The following CNNM2 variants were observed in gnomAD, a reference collection of about 807,000 sequenced individuals.
The protein encoded by CNNM2 is metal transporter CNNM2.
CNNM2 carries 12 observed loss-of-function variants against 66.9 expected under a neutral mutation model. The ratio of observed to expected loss-of-function variants is 0.18; its 90% CI spans 0.11 to 0.29. The LOEUF (loss-of-function observed/expected upper bound fraction) is 0.29. CNNM2 is among the 10% of genes least tolerant of loss of function. The probability of loss-of-function intolerance (pLI) is 1.00; values close to 1 mark genes in which losing one functional copy is unlikely to be tolerated. For synonymous variants in CNNM2, 557 were observed against 501.8 expected (o/e 1.11, Z -1.47); for missense variants, 705 against 1,167.7 (o/e 0.60, Z 5.77).
At chr10:102,945,395 C>T (rs1390959487) in intron 1 of CNNM2, among the ~76,000 whole-genome samples, 1 of 152,030 alleles carries the variant, frequency 6.6e-6, no homozygotes, top group African/African-American at 2.4e-5. Context: ...TGACCCCTAA[C>T]CAATAAGACA....
intron 1 of CNNM2, among the ~76,000 whole-genome samples, chr10:103,045,763 T>C (rs1269183580): frequency 1.3e-5 from 2 of 152,194 alleles, no homozygotes; most frequent in African/African-American, 4.8e-5. Context: ...AGAGATGCTG[T>C]TACTATTTTA....
At chr10:102,935,176 A>AT (rs1846193405) in intron 1 of CNNM2, among the ~76,000 whole-genome samples, 1 of 139,572 alleles carries the variant, frequency 7.2e-6, no homozygotes. Context: ...AAAAAAAAAA[A>AT]AAAAAAGACT....
At chr10:103,022,926 G>A (rs1296851459) in intron 1 of CNNM2, among the ~76,000 whole-genome samples, 1 of 151,762 alleles carries the variant, frequency 6.6e-6, no homozygotes, top group Non-Finnish European at 1.5e-5. Context: ...TTTTGAGACA[G>A]GGTCTTACTG....
In CNNM2 at chr10:102,992,273, C is replaced by CTTTTTTT. The variant is rs35281835; in HGVS notation, c.1622-57422_1622-57416dup. ...TTTACTGGGAGCAAGCTCCAAGTTC[C>CTTTTTTT]TTTTTTTTTTTTTTTTTTGAGATGC... On this transcript the variant is annotated intron_variant, in intron 1 of 7. Transcript: ENST00000369878. Among the ~76,000 whole-genome samples, 126 of 108,478 alleles carry CTTTTTTT rather than the reference C, an allele frequency of 1.2e-3. 6 individuals carry two copies. The highest frequency in any genetic ancestry group is 3.7e-3 in the African/African-American group (107 of 29,126). The allele number at this position is 108,478 out of a possible 152,430, so 71.2% of individuals were successfully genotyped here.
chr10:103,045,118 A>G (rs1053657399), intron 1 of CNNM2, among the ~76,000 whole-genome samples: 3 of 152,228 alleles, frequency 2.0e-5, no homozygotes, highest in Non-Finnish European at 2.9e-5. Flanking sequence ...TTCGACAGAC[A>G]GCATTCACCA....
chr10:102,936,516 G>C (rs1051940441), intron 1 of CNNM2, among the ~76,000 whole-genome samples: 20 of 114,016 alleles, frequency 1.8e-4, no homozygotes, highest in African/African-American at 5.6e-4. Flanking sequence ...GAAACTCTTT[G>C]CTTTTTTTTT....
intron 2 of CNNM2, among the ~76,000 whole-genome samples, chr10:103,051,287 T>TG (rs2065208389): frequency 1.3e-5 from 2 of 151,934 alleles, no homozygotes; most frequent in South Asian, 4.1e-4. Flanking sequence ...AAAAATTAGC[T>TG]GGGCGTGGTG....
intron 1 of CNNM2, among the ~76,000 whole-genome samples, chr10:103,014,254 C>T (rs2064398900): frequency 6.6e-6 from 1 of 152,174 alleles, no homozygotes; most frequent in African/African-American, 2.4e-5. Context: ...GTTGTCCTTG[C>T]CCTCAAAGTA....
intron 1 of CNNM2, among the ~76,000 whole-genome samples, chr10:102,981,393 A>C: frequency 6.6e-6 from 1 of 151,368 alleles, no homozygotes; most frequent in South Asian, 2.1e-4. Context: ...CTTTTTTCCT[A>C]TATTAAATTT....
At chr10:103,065,735 C>T (rs887694877) in intron 4 of CNNM2, among the ~76,000 whole-genome samples, 6 of 152,208 alleles carry the variant, frequency 3.9e-5, no homozygotes, top group East Asian at 1.9e-4. Flanking sequence ...GAGCTGGTCA[C>T]GCAGCCACTC....
At position 102,919,331 on chromosome 10, in the gene CNNM2, C is replaced by G; in HGVS notation, c.851C>G (p.Pro284Arg). The change falls in exon 1 of 8, where the codon CCG (proline) becomes CGG (arginine). Residue 284 changes from proline (P) to arginine (R), a missense_variant. Around this residue, in one of 9 missense-constraint regions of CNNM2, gnomAD observed 49 missense variants for 183.7 expected, o/e 0.27. Coordinates refer to ENST00000369878, the MANE Select transcript of CNNM2 (RefSeq NM_017649.5). Reference sequence around the variant, plus strand: ...AACCTGGGGCTCATGGCCCTGGACCCGATGGAGCTGCGCATCGTGCAGAAC... The same window carrying G: ...AACCTGGGGCTCATGGCCCTGGACCGGATGGAGCTGCGCATCGTGCAGAAC... ...GLNLGLMALD[P>R]MELRIVQNCG... 6.2e-7 allele frequency: 1 copy of G among 1,613,628 alleles called. No individual in the cohort carries two copies. Among genetic ancestry groups the G allele is most frequent in the Non-Finnish European group, 8.5e-7 (1 of 1,180,042 alleles).
At position 103,089,053 on chromosome 10, in the gene CNNM2, T is replaced by C. The variant is rs533619926; in HGVS notation, c.*11873T>C. The C allele has an allele frequency of 4.6e-6, 1 of 219,204 alleles. No individual in the cohort carries two copies. The highest frequency in any genetic ancestry group is 5.8e-5 in the Admixed American group (1 of 17,332). The allele number at this position is 219,204 out of a possible 1,614,324, so 13.6% of individuals were successfully genotyped here. A position where few individuals can be genotyped will look rare whatever the true frequency, so the allele number is the denominator to read the frequency against. On this transcript the variant is annotated 3_prime_UTR_variant, in exon 8 of 8. Transcript: ENST00000369878. The stretch of plus-strand genomic sequence containing the variant: ...AAAAGGTAATAAGGATACTGTCTTT[T>C]CCCTCAAAATAGAATCCTGCCCTAA...
In CNNM2 at chr10:102,958,547, T is replaced by A. The variant is rs186347788; in HGVS notation, c.1621+38446T>A. On this transcript the variant is annotated intron_variant, in intron 1 of 7. Coordinates refer to ENST00000369878, the MANE Select transcript of CNNM2 (RefSeq NM_017649.5). ...GTGCAGTGGCGTGATCTTGGCTTGCTGCAACCTCCGCCTCCCAGGTTCAGG... is the reference window on the plus strand; with the variant it reads ...GTGCAGTGGCGTGATCTTGGCTTGCAGCAACCTCCGCCTCCCAGGTTCAGG... Among the ~76,000 whole-genome samples the A allele has an allele frequency of 8.3e-4, 113 of 135,472 alleles. 2 individuals are homozygous for A. In the East Asian group the frequency reaches 0.028, roughly 34 times the overall value. 88.9% of individuals were successfully genotyped at this position (135,472 alleles called of 152,430 possible).
At position 102,987,114 on chromosome 10, in the gene CNNM2, T is replaced by C. The variant is rs914106786; in HGVS notation, c.1622-62593T>C. 2.0e-5 allele frequency among the ~76,000 whole-genome samples: 3 copies of C among 152,070 alleles called. No individual in the cohort carries two copies. The South Asian group carries it at 6.3e-4, about 32-fold the overall frequency. Reference sequence around the variant, plus strand: ...CAGGAAGTAAACTGCTGAAGGAGAATGTTCAGAGGAAGAAAACCAGAGGGT... The same window carrying C: ...CAGGAAGTAAACTGCTGAAGGAGAACGTTCAGAGGAAGAAAACCAGAGGGT... On this transcript the variant is annotated intron_variant, in intron 1 of 7. Transcript: ENST00000369878.
chr10:102,994,666 G>A (rs1358431943), intron 1 of CNNM2, among the ~76,000 whole-genome samples: 5 of 152,206 alleles, frequency 3.3e-5, no homozygotes, highest in East Asian at 1.9e-4. Context: ...TAAAGCTGTC[G>A]GCTCCAGAAT....
At chr10:103,002,748 G>A (rs965435777) in intron 1 of CNNM2, among the ~76,000 whole-genome samples, 1 of 152,142 alleles carries the variant, frequency 6.6e-6, no homozygotes, top group African/African-American at 2.4e-5. Context: ...CAAAGTGCAG[G>A]GATTACAGGC....
Position 102,918,890 on chromosome 10 carries a change from G to A in CNNM2, c.410G>A (p.Gly137Asp), listed in dbSNP as rs1002454762. 3.7e-6 allele frequency: 6 copies of A among 1,609,352 alleles called. No homozygotes were observed. The South Asian group carries it at 4.4e-5, about 12-fold the overall frequency. ...AGCCCGGGGGAGCGCGGGCTGGGGGGCCCCGCGCCGCCAGAGCCGGACAGC... is the reference window on the plus strand; with the variant it reads ...AGCCCGGGGGAGCGCGGGCTGGGGGACCCCGCGCCGCCAGAGCCGGACAGC... ...RHSPGERGLGGPAPPEPDSGP... is the reference protein window; with the variant it reads ...RHSPGERGLGDPAPPEPDSGP... The change falls in exon 1 of 8, where the codon GGC becomes GAC. Residue 137 changes from glycine (G) to aspartate (D), a missense_variant. Gly to Asp is a moderately conservative substitution (Grantham distance 94). Around this residue, in one of 9 missense-constraint regions of CNNM2, gnomAD observed 100 missense variants for 151.9 expected, o/e 0.66. Transcript: ENST00000369878. This position sits in a 1 kb window ranked among gnomAD's most constrained non-coding sequence, Gnocchi z 4.1.
Position 103,071,792 on chromosome 10 carries a change from G to A in CNNM2, c.2186G>A (p.Arg729His), listed in dbSNP as rs770767352. The A allele has an allele frequency of 2.6e-5, 42 of 1,613,640 alleles. No individual in the cohort carries two copies. The highest frequency in any genetic ancestry group is 3.1e-5 in the Non-Finnish European group (37 of 1,179,832). The change falls in exon 6 of 8, where the codon CGT becomes CAT. Residue 729 changes from arginine to histidine, a missense_variant. Transcript: ENST00000369878. ...TTTTCAGTTCCTTTGTCCCTGTCTC[G>A]TACCTTTGTTGTCAGCAGAACAGAG... Reference protein sequence around the residue: ...TASPVPLSLSRTFVVSRTELL... With the variant: ...TASPVPLSLSHTFVVSRTELL...
chr10:102,941,651 T>C (rs969784078), intron 1 of CNNM2, among the ~76,000 whole-genome samples: 2 of 152,174 alleles, frequency 1.3e-5, no homozygotes, highest in African/African-American at 4.8e-5. Flanking sequence ...TGCAGCTTGC[T>C]CCCTCCTTCC....
Sources: gnomAD v4.1 joint callset for allele counts (sites outside exome capture counted in the v4.1 genomes callset) on GRCh38, gnomAD v4.1.1 for gene constraint, gnomAD v4.1.1 regional missense constraint, Gnocchi (gnomAD v3.1) non-coding constraint, MANE v1.5 for transcripts, NCBI Gene and HGNC (gene_info 2026-07-23, HGNC 2026-07-21) for gene names.